APOOL: variants seen among roughly 807,000 people sequenced by gnomAD.
APOOL encodes the protein apolipoprotein O like.
Under a neutral mutation model 23.1 loss-of-function variants are expected in APOOL, and 12 were observed. The ratio of observed to expected loss-of-function variants is 0.52; its 90% CI spans 0.33 to 0.84. APOOL has a LOEUF of 0.84. Among genes scored for constraint, APOOL ranks in the 40% least tolerant of loss-of-function variants. APOOL has a pLI of 0.02. For synonymous variants in APOOL, 77 were observed against 69.9 expected, an observed-to-expected ratio of 1.10 and a Z score of -0.51; for missense variants, 212 against 199.6, an observed-to-expected ratio of 1.06 and a Z score of -0.37.
chrX:85,013,238 C>G (rs1233401889), intron 1 of APOOL, among the ~76,000 whole-genome samples: 1 of 111,679 alleles, frequency 9.0e-6, no homozygotes, highest in Non-Finnish European at 1.9e-5. Flanking sequence ...TTTAATCTCT[C>G]TAATGGTCAA....
intron 5 of APOOL, among the ~76,000 whole-genome samples, chrX:85,065,167 T>A (rs986782029): frequency 4.5e-5 from 5 of 111,812 alleles, no homozygotes; most frequent in African/African-American, 1.6e-4. Flanking sequence ...TCTGTTGGTT[T>A]AAAGTCTATT....
intron 8 of APOOL, among the ~76,000 whole-genome samples, chrX:85,077,033 G>A (rs867352596): frequency 3.8e-4 from 31 of 81,120 alleles, no homozygotes; most frequent in East Asian, 1.5e-3. Flanking sequence ...ATATATGTAT[G>A]TATATATATA....
intron 1 of APOOL, among the ~76,000 whole-genome samples, chrX:85,032,566 C>A (rs2147483856): frequency 9.0e-6 from 1 of 110,648 alleles, no homozygotes; most frequent in Non-Finnish European, 1.9e-5. Flanking sequence ...AAATATACTC[C>A]CTGTGTATGT....
At chrX:85,051,368 A>G (rs370541489) in intron 2 of APOOL, 21 bp from the exon 3 acceptor site, 11 of 1,204,507 alleles carry the variant, frequency 9.1e-6, no homozygotes, top group South Asian at 5.3e-5. Context: ...TGTTTTTGAC[A>G]TGAACATTTT....
chrX:85,038,524 G>GTTTTTTTTTTTTTTTTTTTT (rs56248244), intron 1 of APOOL, among the ~76,000 whole-genome samples: 15 of 43,445 alleles, frequency 3.5e-4, no homozygotes, highest in African/African-American at 1.5e-3. Context: ...TCTGGTACAA[G>GTTTTTTTTTTTTTTTTTTTT]TTTTTTTTTT....
chrX:85,077,913 A>G (rs1461356864), intron 8 of APOOL, among the ~76,000 whole-genome samples: 45 of 111,810 alleles, frequency 4.0e-4, no homozygotes, highest in Non-Finnish European at 7.9e-4. Flanking sequence ...GTCTGTTCAT[A>G]TCCTTTACCC....
intron 1 of APOOL, among the ~76,000 whole-genome samples, 165 bp downstream of exon 1, chrX:85,004,092 C>G (rs1039788415): frequency 1.7e-4 from 19 of 111,375 alleles, no homozygotes; most frequent in African/African-American, 6.2e-4. Context: ...AAGACACCTG[C>G]CTTTCCCCAT....
intron 1 of APOOL, among the ~76,000 whole-genome samples, chrX:85,034,038 CT>C (rs1489557841): frequency 5.4e-5 from 6 of 111,359 alleles, no homozygotes; most frequent in Non-Finnish European, 9.4e-5. Flanking sequence ...GTGTTGGTCA[CT>C]GGATGTTCCA....
At chrX:85,009,444 C>T (rs748448897) in intron 1 of APOOL, among the ~76,000 whole-genome samples, 192 of 111,312 alleles carry the variant, frequency 1.7e-3, no homozygotes, top group African/African-American at 5.8e-3. Context: ...GAGTTTTTAT[C>T]ACAAAAGGAT....
intron 8 of APOOL, among the ~76,000 whole-genome samples, chrX:85,079,447 A>C (rs1199323967): frequency 1.8e-5 from 2 of 111,452 alleles, no homozygotes; most frequent in Non-Finnish European, 3.8e-5. Context: ...AGCCGACTTA[A>C]TTGTGGTGGA....
In APOOL at chrX:85,088,427, A is replaced by C. The variant is rs1406493688; in HGVS notation, c.*749A>C. ...TTGTCCCTTGGTTTTGTTAATGTTA[A>C]TTCCTCTTAAATATCTAAAAACATC... On this transcript the variant is annotated 3_prime_UTR_variant, in exon 9 of 9. Transcript: ENST00000373173. 1.1e-5 allele frequency: 1 copy of C among 93,920 alleles called. No individual in the cohort carries two copies. Among genetic ancestry groups the C allele is most frequent in the East Asian group, 3.5e-4 (1 of 2,884 alleles). 7.7% of individuals were successfully genotyped at this position (93,920 alleles called of 1,213,427 possible).
chrX:85,014,214 C>T (rs1216371781), intron 1 of APOOL, among the ~76,000 whole-genome samples: 1 of 110,782 alleles, frequency 9.0e-6, no homozygotes, highest in Non-Finnish European at 1.9e-5. Flanking sequence ...TATGTGAGTC[C>T]TTATGTGTTA....
At chrX:85,056,825 C>CA (rs1345968522) in intron 5 of APOOL, among the ~76,000 whole-genome samples, 1 of 111,639 alleles carries the variant, frequency 9.0e-6, no homozygotes, top group Admixed American at 9.5e-5. Flanking sequence ...GTCATGTAAC[C>CA]ATCACCACAA....
intron 5 of APOOL, among the ~76,000 whole-genome samples, chrX:85,059,771 G>C (rs1371089446): frequency 9.0e-6 from 1 of 111,256 alleles, no homozygotes; most frequent in African/African-American, 3.3e-5. Context: ...GTAGAGTCTG[G>C]ATATTAGCCC....
chrX:85,011,255 A>G (rs1189345070), intron 1 of APOOL, among the ~76,000 whole-genome samples: 1 of 111,898 alleles, frequency 8.9e-6, no homozygotes, highest in Non-Finnish European at 1.9e-5. Flanking sequence ...TGTCAGATGC[A>G]TAGTTTATGA....
At chrX:85,035,510 T>C (rs926581249) in intron 1 of APOOL, among the ~76,000 whole-genome samples, 4 of 111,444 alleles carry the variant, frequency 3.6e-5, no homozygotes, top group Non-Finnish European at 7.5e-5. Flanking sequence ...GTGTCTTTGC[T>C]GGGAAACCTT....
intron 5 of APOOL, 73 bp downstream of exon 5, chrX:85,055,998 C>A: frequency 2.7e-6 from 2 of 748,555 alleles, no homozygotes; most frequent in South Asian, 6.3e-5. Flanking sequence ...CATGAGAAAA[C>A]CTCATATGCT....
intron 1 of APOOL, among the ~76,000 whole-genome samples, chrX:85,032,702 T>C (rs1922082700): frequency 1.8e-5 from 2 of 111,605 alleles, no homozygotes; most frequent in African/African-American, 3.3e-5. Context: ...AATTTCAGAA[T>C]AATTCTTTCA....
chrX:85,045,569 C>T (rs891623613), intron 1 of APOOL, among the ~76,000 whole-genome samples: 1 of 111,907 alleles, frequency 8.9e-6, no homozygotes, highest in Non-Finnish European at 1.9e-5. Flanking sequence ...CAGGAAGCTT[C>T]TTTCCCATCT....
Sources: allele counts gnomAD v4.1 joint callset (sites outside exome capture counted in the v4.1 genomes callset), GRCh38; gene constraint gnomAD v4.1.1; transcripts MANE v1.5; gene names NCBI Gene and HGNC (gene_info 2026-07-23, HGNC 2026-07-21).